SH3BGRL2: variants seen among roughly 807,000 people sequenced by gnomAD.
The protein encoded by SH3BGRL2 is SH3 domain-binding glutamic acid-rich-like protein 2.
Under a neutral mutation model 14.8 loss-of-function variants are expected in SH3BGRL2, and 21 were observed. The observed-to-expected ratio is 1.42, with a 90% CI of 1.01 to 2.05. The LOEUF is 2.05. SH3BGRL2 is among the 30% of genes most tolerant of loss of function. SH3BGRL2 has a pLI of 0.00. For missense variants in SH3BGRL2, 147 were observed against 130.8 expected, an observed-to-expected ratio of 1.12 and a Z score of -0.61; for synonymous variants, 50 against 47.8, an observed-to-expected ratio of 1.05 and a Z score of -0.19.
At chr6:79,656,754 A>C (rs1769426697) in intron 1 of SH3BGRL2, among the ~76,000 whole-genome samples, 1 of 152,182 alleles carries the variant, frequency 6.6e-6, no homozygotes, top group Non-Finnish European at 1.5e-5. Context: ...CTATATGCAA[A>C]TACTACACCA....
At chr6:79,697,024 G>A (rs1056907926) in intron 3 of SH3BGRL2, among the ~76,000 whole-genome samples, 6 of 151,966 alleles carry the variant, frequency 3.9e-5, no homozygotes, top group Non-Finnish European at 7.4e-5. Flanking sequence ...ATATTTTGAA[G>A]CCACTTTTTA....
chr6:79,553,967 C>CAG, the SH3BGRL2 span, among the ~76,000 whole-genome samples: 1 of 126,772 alleles, frequency 7.9e-6, no homozygotes, highest in Admixed American at 8.2e-5. Flanking sequence ...GACTCTGTCT[C>CAG]AAAAAAAAAA....
chr6:79,563,369 C>T, the SH3BGRL2 span, among the ~76,000 whole-genome samples: 1 of 152,028 alleles, frequency 6.6e-6, no homozygotes, highest in Non-Finnish European at 1.5e-5. Context: ...GCCTCGGCCT[C>T]CTGAAGTGCT....
chr6:79,553,000 A>G, the SH3BGRL2 span: 1 of 152,210 alleles, frequency 6.6e-6, no homozygotes, highest in African/African-American at 2.4e-5. Context: ...GCTTTGGTGA[A>G]TTAGACCCTT....
rs1272879440 is a variant in SH3BGRL2 at position 79,700,833 on chromosome 6, C to A, written c.*1324C>A. 6.6e-6 allele frequency: 1 copy of A among 151,892 alleles called. No homozygotes were observed. The highest frequency in any genetic ancestry group is 1.5e-5 in the Non-Finnish European group (1 of 67,984). 9.4% of individuals were successfully genotyped at this position (151,892 alleles called of 1,614,324 possible). On this transcript the variant is annotated 3_prime_UTR_variant, in exon 4 of 4. Coordinates refer to ENST00000369838, the MANE Select transcript of SH3BGRL2 (RefSeq NM_031469.4). ...TTTTTTAACTTAGAGTTTTAAATTG[C>A]CAAACATGGGAACAGCCTTGAATAG...
Position 79,703,258 on chromosome 6 carries a change from G to A in SH3BGRL2, c.*3749G>A, listed in dbSNP as rs1167173570. 1 of 152,168 alleles carries A rather than the reference G, an allele frequency of 6.6e-6. No individual in the cohort carries two copies. The highest frequency in any genetic ancestry group is 1.9e-4 in the East Asian group (1 of 5,194). 9.4% of individuals were successfully genotyped at this position (152,168 alleles called of 1,614,324 possible). A position where few individuals can be genotyped will look rare whatever the true frequency, so the allele number is the denominator to read the frequency against. ...GAATAGAAACAAAGCAGCAGTTTTA[G>A]CCAGGGTTCAATGATAGAGTGGAGG... On this transcript the variant is annotated 3_prime_UTR_variant, in exon 4 of 4. Transcript: ENST00000369838.
At chr6:79,600,393 C>T in the SH3BGRL2 span, among the ~76,000 whole-genome samples, 1 of 152,090 alleles carries the variant, frequency 6.6e-6, no homozygotes, top group Non-Finnish European at 1.5e-5. Flanking sequence ...AGCCGTGAGC[C>T]CAGATTCACA....
Position 79,699,488 on chromosome 6 carries a change from TTTTTTA to T in SH3BGRL2, c.313-8_313-3del. Reference sequence around the variant, plus strand: ...CTTTTTTTTTTTTTTTTTTTTTTTTTTTTTTATAGGCAGAACCTTAGAGAAGAAGAG... The same window carrying T: ...CTTTTTTTTTTTTTTTTTTTTTTTTTTAGGCAGAACCTTAGAGAAGAAGAG... On this transcript the variant is annotated splice_polypyrimidine_tract_variant and splice_region_variant and intron_variant, in intron 3 of 3. Transcript: ENST00000369838. The T allele has an allele frequency of 1.3e-6, 2 of 1,542,456 alleles. No homozygotes were observed. The highest frequency in any genetic ancestry group is 1.7e-6 in the Non-Finnish European group (2 of 1,158,068).
chr6:79,660,673 T>G (rs1213247257), intron 1 of SH3BGRL2, among the ~76,000 whole-genome samples: 1 of 152,218 alleles, frequency 6.6e-6, no homozygotes, highest in South Asian at 2.1e-4. Flanking sequence ...TAGGGAGGAT[T>G]CCGTCTTTTT....
chr6:79,572,620 C>T, the SH3BGRL2 span, among the ~76,000 whole-genome samples: 1 of 152,126 alleles, frequency 6.6e-6, no homozygotes, highest in South Asian at 2.1e-4. Flanking sequence ...CGCCCGCCAC[C>T]ACGCCCGGCT....
In SH3BGRL2 at chr6:79,700,131, T is replaced by G. The variant is rs1245219763; in HGVS notation, c.*622T>G. On this transcript the variant is annotated 3_prime_UTR_variant, in exon 4 of 4. Transcript: ENST00000369838. ...TCCTACAGATGTTTCCAGAAATCCC[T>G]GTTGTAACATCAAGTGATCAGAACT... The G allele has an allele frequency of 6.6e-6, 1 of 152,218 alleles. No homozygotes were observed. The highest frequency in any genetic ancestry group is 1.5e-5 in the Non-Finnish European group (1 of 68,048). The allele number at this position is 152,218 out of a possible 1,614,324, so 9.4% of individuals were successfully genotyped here.
intron 1 of SH3BGRL2, among the ~76,000 whole-genome samples, chr6:79,640,258 A>C (rs961273911): frequency 1.3e-5 from 2 of 152,180 alleles, no homozygotes; most frequent in African/African-American, 4.8e-5. Flanking sequence ...ATCTGACTTC[A>C]TCTGTCAGCA....
At chr6:79,666,817 G>A (rs1347892702) in intron 1 of SH3BGRL2, among the ~76,000 whole-genome samples, 1 of 152,196 alleles carries the variant, frequency 6.6e-6, no homozygotes, top group Non-Finnish European at 1.5e-5. Flanking sequence ...CCCCAAGTCA[G>A]AATAAAGAAA....
intron 1 of SH3BGRL2, among the ~76,000 whole-genome samples, chr6:79,649,142 G>T (rs1266444800): frequency 2.0e-5 from 3 of 152,192 alleles, no homozygotes; most frequent in Non-Finnish European, 4.4e-5. Context: ...TCTGAGAAGT[G>T]ACAGCTCCCT....
chr6:79,543,305 G>A, the SH3BGRL2 span, among the ~76,000 whole-genome samples: 1 of 152,040 alleles, frequency 6.6e-6, no homozygotes, highest in African/African-American at 2.4e-5. Context: ...ATATTTTGCA[G>A]TTACAACACA....
intron 2 of SH3BGRL2, among the ~76,000 whole-genome samples, chr6:79,683,596 A>C (rs532846341): frequency 6.6e-5 from 10 of 152,014 alleles, no homozygotes; most frequent in African/African-American, 1.2e-4. Context: ...CTACAGGCGC[A>C]TGCCACCATG....
chr6:79,652,158 G>A (rs1769309778), intron 1 of SH3BGRL2, among the ~76,000 whole-genome samples: 1 of 152,170 alleles, frequency 6.6e-6, no homozygotes, highest in Admixed American at 6.6e-5. Context: ...TGGATAGGAA[G>A]TATGGACAAT....
intron 1 of SH3BGRL2, among the ~76,000 whole-genome samples, chr6:79,670,040 G>A (rs1008018300): frequency 1.8e-4 from 27 of 152,232 alleles, no homozygotes; most frequent in African/African-American, 6.5e-4. Flanking sequence ...TGTAACTTCT[G>A]AACTCTGCCA....
chr6:79,592,876 A>G, the SH3BGRL2 span, among the ~76,000 whole-genome samples: 1 of 152,202 alleles, frequency 6.6e-6, no homozygotes, highest in Non-Finnish European at 1.5e-5. Context: ...TTCTGTAGCC[A>G]GTAAGTAGCA....
Sources: allele counts gnomAD v4.1 joint callset (sites outside exome capture counted in the v4.1 genomes callset), GRCh38; gene constraint gnomAD v4.1.1; transcripts MANE v1.5; gene names NCBI Gene and HGNC (gene_info 2026-07-23, HGNC 2026-07-21).